RBMS3: variants seen among roughly 807,000 people sequenced by gnomAD.
The protein encoded by RBMS3 is RNA-binding motif, single-stranded-interacting protein 3.
Under a neutral mutation model 66.8 loss-of-function variants are expected in RBMS3, and 27 were observed. The ratio of observed to expected loss-of-function variants is 0.40; its 90% CI spans 0.30 to 0.56. The LOEUF is 0.56. RBMS3 is among the 20% of genes least tolerant of loss of function. The pLI is 0.40. For synonymous variants in RBMS3, 188 were observed against 183.0 expected, an observed-to-expected ratio of 1.03 and a Z score of -0.22; for missense variants, 513 against 549.5, an observed-to-expected ratio of 0.93 and a Z score of 0.66.
At chr3:29,887,896 C>T (rs2059910189) in intron 8 of RBMS3, among the ~76,000 whole-genome samples, 2 of 151,732 alleles carry the variant, frequency 1.3e-5, no homozygotes, top group African/African-American at 4.8e-5. Flanking sequence ...TACAAATCGA[C>T]ATAGAAAATA....
intron 3 of RBMS3, among the ~76,000 whole-genome samples, chr3:29,570,954 G>T (rs1044543683): frequency 1.5e-4 from 14 of 91,606 alleles, no homozygotes; most frequent in South Asian, 1.1e-3. Context: ...GTATACAAGG[G>T]TTGGTTCCCT....
At chr3:29,820,805 G>A (rs1177200859) in intron 6 of RBMS3, among the ~76,000 whole-genome samples, 1 of 152,138 alleles carries the variant, frequency 6.6e-6, no homozygotes, top group African/African-American at 2.4e-5. Flanking sequence ...CCCTGGGCAT[G>A]GTAGCAGGTG....
intron 7 of RBMS3, among the ~76,000 whole-genome samples, chr3:29,876,570 G>T (rs1045548344): frequency 8.5e-5 from 13 of 152,162 alleles, no homozygotes; most frequent in African/African-American, 2.9e-4. Flanking sequence ...ACATGGCAAA[G>T]CATGGTCATA....
At chr3:29,783,659 AC>A (rs2056719389) in intron 6 of RBMS3, among the ~76,000 whole-genome samples, 1 of 152,108 alleles carries the variant, frequency 6.6e-6, no homozygotes, top group Non-Finnish European at 1.5e-5. Flanking sequence ...TATTTAGTCA[AC>A]AAATAGTAAG....
chr3:29,830,176 A>G (rs1452382696), intron 6 of RBMS3, among the ~76,000 whole-genome samples: 1 of 151,880 alleles, frequency 6.6e-6, no homozygotes, highest in Non-Finnish European at 1.5e-5. Context: ...TTCTGCCTTG[A>G]GACATTTTTG....
At chr3:29,644,980 T>C (rs1359284667) in intron 4 of RBMS3, among the ~76,000 whole-genome samples, 2 of 152,218 alleles carry the variant, frequency 1.3e-5, no homozygotes, top group Admixed American at 1.3e-4. Context: ...GAAGTATTGC[T>C]TAACCATGGT....
chr3:29,497,525 A>C (rs2043799842), intron 3 of RBMS3, among the ~76,000 whole-genome samples: 1 of 152,110 alleles, frequency 6.6e-6, no homozygotes, highest in South Asian at 2.1e-4. Flanking sequence ...ATAAACATAA[A>C]ATGCTCTCTC....
chr3:29,482,029 G>A (rs923299764), intron 2 of RBMS3, among the ~76,000 whole-genome samples: 1 of 152,138 alleles, frequency 6.6e-6, no homozygotes, highest in African/African-American at 2.4e-5. Flanking sequence ...TAGGTCATGT[G>A]GGTGGGAGAG....
chr3:29,791,745 C>T (rs2057020626), intron 6 of RBMS3, among the ~76,000 whole-genome samples: 1 of 152,128 alleles, frequency 6.6e-6, no homozygotes, highest in Admixed American at 6.5e-5. Flanking sequence ...TGACAGCGTT[C>T]ACTAAAAGCT....
At chr3:29,804,556 A>G (rs571223188) in intron 6 of RBMS3, among the ~76,000 whole-genome samples, 18 of 152,164 alleles carry the variant, frequency 1.2e-4, no homozygotes, top group South Asian at 8.3e-4. Context: ...TACTTTTTTA[A>G]TACTCTTAAG....
chr3:29,438,170 C>T (rs2041475500), intron 2 of RBMS3, among the ~76,000 whole-genome samples: 2 of 152,224 alleles, frequency 1.3e-5, no homozygotes, highest in African/African-American at 4.8e-5. Context: ...AAAATAATTT[C>T]ACTCACACAA....
intron 12 of RBMS3, among the ~76,000 whole-genome samples, chr3:29,982,792 T>C (rs1698083718): frequency 2.0e-5 from 3 of 152,234 alleles, no homozygotes; most frequent in African/African-American, 7.2e-5. Context: ...TTGTTTTGAT[T>C]TCCATTCTTT....
chr3:29,663,983 A>G (rs2050657260), intron 4 of RBMS3, among the ~76,000 whole-genome samples: 1 of 152,206 alleles, frequency 6.6e-6, no homozygotes, highest in Non-Finnish European at 1.5e-5. Flanking sequence ...TAAACCTTTA[A>G]CAATAGAGGT....
At chr3:29,643,677 G>A (rs570962842) in intron 4 of RBMS3, among the ~76,000 whole-genome samples, 2 of 152,152 alleles carry the variant, frequency 1.3e-5, no homozygotes, top group Admixed American at 6.6e-5. Context: ...CGTTGTTTGT[G>A]GGCCATTTTT....
chr3:29,884,572 T>C (rs2059824459), intron 8 of RBMS3, among the ~76,000 whole-genome samples: 1 of 151,238 alleles, frequency 6.6e-6, no homozygotes, highest in African/African-American at 2.4e-5. Context: ...CAAACACTTT[T>C]TGGTGTGTGC....
intron 5 of RBMS3, among the ~76,000 whole-genome samples, chr3:29,751,233 A>G (rs2055168037): frequency 2.0e-5 from 3 of 152,174 alleles, no homozygotes; most frequent in African/African-American, 7.2e-5. Flanking sequence ...TAAGGAGAAA[A>G]CCAAGTTTTA....
At chr3:29,733,087 T>C (rs2149338928) in intron 4 of RBMS3, among the ~76,000 whole-genome samples, 1 of 152,232 alleles carries the variant, frequency 6.6e-6, no homozygotes, top group African/African-American at 2.4e-5. Flanking sequence ...AAAACTCTGC[T>C]CCATGTAAGG....
At chr3:29,620,821 T>C in intron 4 of RBMS3, among the ~76,000 whole-genome samples, 1 of 152,164 alleles carries the variant, frequency 6.6e-6, no homozygotes, top group East Asian at 1.9e-4. Context: ...TTTACTAGTT[T>C]AGTCTTTTTA....
chr3:29,378,848 A>AT (rs2038620785), intron 1 of RBMS3, among the ~76,000 whole-genome samples: 1 of 151,994 alleles, frequency 6.6e-6, no homozygotes, highest in African/African-American at 2.4e-5. Context: ...AAAACAAAAA[A>AT]ATATATAAAA....
Sources: allele counts gnomAD v4.1 joint callset (sites outside exome capture counted in the v4.1 genomes callset), GRCh38; gene constraint gnomAD v4.1.1; transcripts MANE v1.5; gene names NCBI Gene and HGNC (gene_info 2026-07-23, HGNC 2026-07-21).